The following APOBEC3G variants were observed in gnomAD, a reference collection of about 807,000 sequenced individuals.
The protein encoded by APOBEC3G is DNA dC->dU-editing enzyme APOBEC-3G.
Under a neutral mutation model 50.0 loss-of-function variants are expected in APOBEC3G, and 44 were observed. The ratio of observed to expected loss-of-function variants is 0.88; its 90% CI spans 0.69 to 1.13. APOBEC3G has a LOEUF of 1.13. Ranked by LOEUF, APOBEC3G falls within the 50% of genes most tolerant of loss-of-function variation. APOBEC3G has a pLI of 0.00. For missense variants in APOBEC3G, 469 were observed against 492.0 expected, an observed-to-expected ratio of 0.95 and a Z score of 0.44; for synonymous variants, 156 against 175.3, an observed-to-expected ratio of 0.89 and a Z score of 0.87.
Position 39,087,469 on chromosome 22 carries a change from C to T in APOBEC3G, c.*48C>T, listed in dbSNP as rs748176876. Reference sequence around the variant, plus strand: ...GAAGGCAGAGACCTGGGTTGAGCCTCAGAATAAAAGATCTTCTTCCAAGAA... The same window carrying T: ...GAAGGCAGAGACCTGGGTTGAGCCTTAGAATAAAAGATCTTCTTCCAAGAA... On this transcript the variant is annotated 3_prime_UTR_variant, in exon 8 of 8. Transcript: ENST00000407997. The T allele has an allele frequency of 1.2e-6, 2 of 1,613,794 alleles. No individual in the cohort carries two copies. The highest frequency in any genetic ancestry group is 2.2e-5 in the South Asian group (2 of 91,070).
At chr22:39,083,350 C>T in intron 4 of APOBEC3G, 1 of 164,110 alleles carries the variant, frequency 6.1e-6, no homozygotes. Context: ...AGGAGGGGTG[C>T]CCCAGTGGGT....
At chr22:39,081,994 C>T (rs1928486489) in intron 4 of APOBEC3G, 1 of 171,322 alleles carries the variant, frequency 5.8e-6, no homozygotes, top group Non-Finnish European at 1.3e-5. Context: ...CAACCTGAGC[C>T]CCTGAGAAGG....
chr22:39,081,709 C>A, intron 4 of APOBEC3G, 124 bp downstream of exon 4: 3 of 727,338 alleles, frequency 4.1e-6, no homozygotes. Context: ...CCCTCCTGCC[C>A]CCTGCCTGCC....
chr22:39,087,561 A>T lies in APOBEC3G; in HGVS notation c.*140A>T. The T allele has an allele frequency of 6.7e-7, 1 of 1,491,174 alleles. No homozygotes were observed. The highest frequency in any genetic ancestry group is 9.2e-7 in the Non-Finnish European group (1 of 1,091,578). 92.4% of individuals were successfully genotyped at this position (1,491,174 alleles called of 1,614,324 possible). ...ACACCAGCAAAGCAATGCACTCCTG[A>T]CCAAGTAGATTCTTTTAAAAATTAG... is the stretch of plus-strand genomic sequence containing the variant. On this transcript the variant is annotated 3_prime_UTR_variant, in exon 8 of 8. Transcript: ENST00000407997.
intron 5 of APOBEC3G, among the ~76,000 whole-genome samples, chr22:39,085,359 G>A (rs1928646545): frequency 6.6e-6 from 1 of 152,112 alleles, no homozygotes; most frequent in Admixed American, 6.5e-5. Flanking sequence ...GTCACAGAAG[G>A]GGTGGGGCAA....
chr22:39,086,031 G>A (rs915853860), intron 5 of APOBEC3G, among the ~76,000 whole-genome samples: 2 of 152,056 alleles, frequency 1.3e-5, no homozygotes, highest in Non-Finnish European at 2.9e-5. Flanking sequence ...TCGGCCGGGC[G>A]CTGTGGCTCA....
intron 2 of APOBEC3G, chr22:39,079,907 G>T (rs1928355348): frequency 6.5e-6 from 1 of 152,806 alleles, no homozygotes; most frequent in South Asian, 2.1e-4. Flanking sequence ...AGCCAGGCAT[G>T]GTGGCAGTCA....
At chr22:39,081,286 C>T (rs922481496) in intron 3 of APOBEC3G, 59 bp downstream of exon 3, 5 of 1,584,048 alleles carry the variant, frequency 3.2e-6, no homozygotes, top group Non-Finnish European at 4.3e-6. Flanking sequence ...GTGATGGGTC[C>T]TTCCCACACA....
At chr22:39,085,159 ACAC>A (rs2146300219) in intron 5 of APOBEC3G, among the ~76,000 whole-genome samples, 1 of 152,276 alleles carries the variant, frequency 6.6e-6, no homozygotes, top group East Asian at 1.9e-4. Flanking sequence ...TTTGGACAAA[ACAC>A]CATCATTCCT....
At chr22:39,080,800 G>A in intron 2 of APOBEC3G, 133 bp from the exon 3 acceptor site, 1 of 807,924 alleles carries the variant, frequency 1.2e-6, no homozygotes, top group South Asian at 1.8e-5. Context: ...AAACCGAACA[G>A]GGGGATGGAG....
chr22:39,081,673 C>T (rs1015313574), intron 4 of APOBEC3G, 88 bp downstream of exon 4: 3 of 1,100,540 alleles, frequency 2.7e-6, no homozygotes, highest in Non-Finnish European at 2.7e-6. Context: ...AGACCAGGTC[C>T]TCTCCTGGCC....
In APOBEC3G at chr22:39,083,640, G is replaced by A. The variant is rs1928569325; in HGVS notation, c.582-91G>A. On this transcript the variant is annotated intron_variant, in intron 4 of 7. Coordinates refer to ENST00000407997, the MANE Select transcript of APOBEC3G (RefSeq NM_021822.4). ...GGGAGCCGGGGGAAGGAAGGAGGGTGGGGTGCAAGGGAGGAAGCGTGGAGA... is the reference window on the plus strand; with the variant it reads ...GGGAGCCGGGGGAAGGAAGGAGGGTAGGGTGCAAGGGAGGAAGCGTGGAGA... 3.5e-6 allele frequency: 5 copies of A among 1,442,992 alleles called. No individual in the cohort carries two copies. The South Asian group carries it at 6.4e-5, about 19-fold the overall frequency. 89.4% of individuals were successfully genotyped at this position (1,442,992 alleles called of 1,614,324 possible).
intron 1 of APOBEC3G, chr22:39,078,366 C>G (rs779984140): frequency 1.3e-5 from 2 of 152,368 alleles, no homozygotes; most frequent in African/African-American, 2.4e-5. Flanking sequence ...GAAGAGAGCC[C>G]GGTCCCCAAT....
At chr22:39,077,501 C>G in intron 1 of APOBEC3G, 123 bp downstream of exon 1, 3 of 1,502,108 alleles carry the variant, frequency 2.0e-6, no homozygotes, top group Non-Finnish European at 2.7e-6. Context: ...TCCCCTCTGA[C>G]TCCCCTGCAC....
In APOBEC3G at chr22:39,081,088, C is replaced by G. The variant is rs375760983; in HGVS notation, c.327C>G (p.Ala109=). ...KCTRDMATFL[A]EDPKVTLTIF... ...CAAGGGATATGGCCACGTTCCTGGC[C>G]GAGGACCCGAAGGTTACCCTGACCA... Residue 109 remains alanine (A), a synonymous_variant, in exon 3 of 8, where the codon GCC becomes GCG. Transcript: ENST00000407997. The G allele has an allele frequency of 1.1e-5, 17 of 1,614,214 alleles. No homozygotes were observed. Among genetic ancestry groups the G allele is most frequent in the Non-Finnish European group, 1.4e-5 (17 of 1,180,044 alleles).
At chr22:39,083,485 C>G (rs899830737) in intron 4 of APOBEC3G, among the ~76,000 whole-genome samples, 1 of 152,184 alleles carries the variant, frequency 6.6e-6, no homozygotes, top group South Asian at 2.1e-4. Flanking sequence ...CTGGGGAGAC[C>G]CTGACAAGGC....
chr22:39,080,425 A>C (rs1297508069), intron 2 of APOBEC3G: 3 of 180,088 alleles, frequency 1.7e-5, no homozygotes, highest in Non-Finnish European at 3.3e-5. Flanking sequence ...CGAGTTCTGG[A>C]CTCTGGGAAG....
intron 5 of APOBEC3G, 38 bp downstream of exon 5, chr22:39,083,922 C>T (rs2146299009): frequency 6.2e-7 from 1 of 1,601,708 alleles, no homozygotes; most frequent in Middle Eastern, 1.9e-4. Context: ...GCAGGGCCCT[C>T]CCAACCCAGG....
At chr22:39,081,655 T>A in intron 4 of APOBEC3G, 70 bp downstream of exon 4, 1 of 1,292,528 alleles carries the variant, frequency 7.7e-7, no homozygotes, top group Non-Finnish European at 1.1e-6. Flanking sequence ...AGGCCTCCCC[T>A]CTGTTCCAGA....
Sources: allele counts gnomAD v4.1 joint callset (sites outside exome capture counted in the v4.1 genomes callset), GRCh38; gene constraint gnomAD v4.1.1; transcripts MANE v1.5; gene names NCBI Gene and HGNC (gene_info 2026-07-23, HGNC 2026-07-21).